RALGPS2: variants seen among roughly 807,000 people sequenced by gnomAD.
RALGPS2 encodes the protein ras-specific guanine nucleotide-releasing factor RalGPS2.
A neutral mutation model predicts 86.8 loss-of-function variants in RALGPS2; 43 were observed. That is an observed-to-expected ratio of 0.50 (90% CI 0.39 to 0.64). RALGPS2 has a LOEUF of 0.64. RALGPS2 is among the 30% of genes least tolerant of loss of function. The pLI is 0.00. For missense variants in RALGPS2, 536 were observed against 694.6 expected, an observed-to-expected ratio of 0.77 and a Z score of 2.57; for synonymous variants, 243 against 231.3, an observed-to-expected ratio of 1.05 and a Z score of -0.46.
intron 1 of RALGPS2, among the ~76,000 whole-genome samples, chr1:178,765,697 C>T (rs1352769970): frequency 6.6e-6 from 1 of 152,154 alleles, no homozygotes; most frequent in South Asian, 2.1e-4. Flanking sequence ...GGGCTTATTT[C>T]GTCCCTTATC....
chr1:178,856,555 C>G (rs1274275333), intron 8 of RALGPS2, among the ~76,000 whole-genome samples: 1 of 151,102 alleles, frequency 6.6e-6, no homozygotes, highest in Non-Finnish European at 1.5e-5. Context: ...CTCCACCCAG[C>G]CTTTACATTG....
At chr1:178,743,627 T>C (rs1651151676) in intron 1 of RALGPS2, among the ~76,000 whole-genome samples, 1 of 152,076 alleles carries the variant, frequency 6.6e-6, no homozygotes, top group Non-Finnish European at 1.5e-5. Flanking sequence ...TTGATAAAGC[T>C]CTAACTGTGC....
chr1:178,855,958 CTAATA>C (rs1483574193), intron 8 of RALGPS2, among the ~76,000 whole-genome samples: 32 of 147,306 alleles, frequency 2.2e-4, no homozygotes, highest in African/African-American at 7.7e-4. Flanking sequence ...TATATAATAT[CTAATA>C]TAAGAACAAA....
chr1:178,829,250 G>T (rs1655900292), intron 7 of RALGPS2, among the ~76,000 whole-genome samples: 1 of 152,210 alleles, frequency 6.6e-6, no homozygotes, highest in Non-Finnish European at 1.5e-5. Flanking sequence ...CTGAGGGGCA[G>T]GGGAAATGTT....
chr1:178,798,784 T>C (rs1183336669), intron 4 of RALGPS2, among the ~76,000 whole-genome samples: 2 of 152,174 alleles, frequency 1.3e-5, no homozygotes, highest in Non-Finnish European at 2.9e-5. Flanking sequence ...TATAAGAAAG[T>C]ATACCCATAG....
chr1:178,874,468 G>C (rs1305845827), intron 8 of RALGPS2, among the ~76,000 whole-genome samples: 1 of 152,120 alleles, frequency 6.6e-6, no homozygotes, highest in Non-Finnish European at 1.5e-5. Flanking sequence ...GTTGTCATCT[G>C]AGTTTAATAA....
chr1:178,869,416 A>G (rs974952064), intron 8 of RALGPS2: 1 of 152,112 alleles, frequency 6.6e-6, no homozygotes, highest in African/African-American at 2.4e-5. Flanking sequence ...CTTGAGAACA[A>G]TCTAATCCCC....
At chr1:178,740,469 T>C (rs988826925) in intron 1 of RALGPS2, among the ~76,000 whole-genome samples, 1 of 152,168 alleles carries the variant, frequency 6.6e-6, no homozygotes, top group Admixed American at 6.5e-5. Context: ...TAATTTACCA[T>C]TGAACCATGG....
chr1:178,905,881 G>A (rs1259439684), intron 18 of RALGPS2, among the ~76,000 whole-genome samples: 2 of 152,098 alleles, frequency 1.3e-5, no homozygotes, highest in Non-Finnish European at 1.5e-5. Flanking sequence ...AAGAGAGAAA[G>A]TTGCCTCCTA....
intron 1 of RALGPS2, among the ~76,000 whole-genome samples, chr1:178,765,906 TC>T (rs1652483773): frequency 1.3e-5 from 2 of 152,308 alleles, no homozygotes; most frequent in African/African-American, 4.8e-5. Context: ...TCTCCCTTGT[TC>T]CCTGAACATC....
At chr1:178,902,552 T>C (rs758051774) in intron 18 of RALGPS2, among the ~76,000 whole-genome samples, 2 of 152,102 alleles carry the variant, frequency 1.3e-5, no homozygotes, top group African/African-American at 2.4e-5. Context: ...ATATACCCCA[T>C]TGTTACTTCA....
At chr1:178,902,237 T>TA (rs751670159) in intron 18 of RALGPS2, 26 bp downstream of exon 18, 2 of 1,523,648 alleles carry the variant, frequency 1.3e-6, no homozygotes, top group African/African-American at 2.7e-5. Context: ...AACTGGGGCT[T>TA]ACGATACTGC....
At chr1:178,868,754 C>T (rs1241584793) in intron 8 of RALGPS2, among the ~76,000 whole-genome samples, 1 of 151,798 alleles carries the variant, frequency 6.6e-6, no homozygotes, top group Non-Finnish European at 1.5e-5. Context: ...TCACTGTTTA[C>T]CATAAGAGAA....
chr1:178,898,358 G>T (rs1036527064), intron 17 of RALGPS2, among the ~76,000 whole-genome samples: 1 of 151,862 alleles, frequency 6.6e-6, no homozygotes, highest in Non-Finnish European at 1.5e-5. Flanking sequence ...GAAAAATTAC[G>T]TGGTTTATCC....
intron 1 of RALGPS2, among the ~76,000 whole-genome samples, chr1:178,753,360 C>A (rs543031987): frequency 1.3e-5 from 2 of 152,152 alleles, no homozygotes; most frequent in East Asian, 3.9e-4. Flanking sequence ...GGCCCTGAGA[C>A]AAGTCAAATA....
intron 8 of RALGPS2, among the ~76,000 whole-genome samples, chr1:178,837,429 T>A (rs1344627048): frequency 6.6e-6 from 1 of 152,184 alleles, no homozygotes; most frequent in Admixed American, 6.5e-5. Context: ...GACACTGCGG[T>A]ACCACACTAC....
Position 178,918,546 on chromosome 1 carries a change from C to T in RALGPS2, c.*2187C>T, listed in dbSNP as rs887859517. 4 of 152,052 alleles carry T rather than the reference C, an allele frequency of 2.6e-5. No individual in the cohort carries two copies. Among genetic ancestry groups the T allele is most frequent in the African/African-American group, 9.7e-5 (4 of 41,432 alleles). 9.4% of individuals were successfully genotyped at this position (152,052 alleles called of 1,614,324 possible). On this transcript the variant is annotated 3_prime_UTR_variant, in exon 20 of 20. Coordinates refer to ENST00000367635, the MANE Select transcript of RALGPS2 (RefSeq NM_152663.5). The stretch of plus-strand genomic sequence containing the variant: ...AGCTGGAAGATGTTTTTGATACTTT[C>T]GGCTCTAAACATTAATGGATGTTTG...
At chr1:178,801,718 G>T (rs1453071565) in intron 4 of RALGPS2, among the ~76,000 whole-genome samples, 1 of 150,648 alleles carries the variant, frequency 6.6e-6, no homozygotes, top group Non-Finnish European at 1.5e-5. Flanking sequence ...GGCAAAAAAG[G>T]TAGGGAGCTA....
At chr1:178,788,850 CT>C (rs1225253748) in intron 4 of RALGPS2, among the ~76,000 whole-genome samples, 28 of 57,188 alleles carry the variant, frequency 4.9e-4, no homozygotes, top group African/African-American at 2.0e-3. Context: ...TCTTTCTTTT[CT>C]TTTCTTTTCT....
Sources: allele counts gnomAD v4.1 joint callset (sites outside exome capture counted in the v4.1 genomes callset), GRCh38; gene constraint gnomAD v4.1.1; transcripts MANE v1.5; gene names NCBI Gene and HGNC (gene_info 2026-07-23, HGNC 2026-07-21).